GYS2: variants seen among roughly 807,000 people sequenced by gnomAD.
GYS2 encodes glycogen [starch] synthase, liver.
GYS2 carries 80 observed loss-of-function variants against 85.6 expected under a neutral mutation model. That is an observed-to-expected ratio of 0.93 (90% CI 0.78 to 1.13). GYS2 has a LOEUF of 1.13. Ranked by LOEUF, GYS2 falls within the 50% of genes most tolerant of loss-of-function variation. The pLI is 0.00. For synonymous variants in GYS2, 328 were observed against 300.7 expected (o/e 1.09, Z -0.94); for missense variants, 881 against 854.9 (o/e 1.03, Z -0.38).
At chr12:21,537,648 A>G (rs1236443940) in intron 15 of GYS2, among the ~76,000 whole-genome samples, 4 of 152,216 alleles carry the variant, frequency 2.6e-5, no homozygotes, top group Non-Finnish European at 5.9e-5. Flanking sequence ...TTGGATGTGG[A>G]TAGCCTGGAA....
At chr12:21,555,534 A>T (rs957779107) in intron 11 of GYS2, among the ~76,000 whole-genome samples, 1 of 152,112 alleles carries the variant, frequency 6.6e-6, no homozygotes, top group African/African-American at 2.4e-5. Context: ...AGAAATTGAC[A>T]CTTCTGATCT....
chr12:21,539,947 C>G (rs576640403), intron 14 of GYS2, among the ~76,000 whole-genome samples: 29 of 152,298 alleles, frequency 1.9e-4, no homozygotes, highest in African/African-American at 6.5e-4. Context: ...GTGTGAGCAT[C>G]CAGGTGTTTA....
In GYS2 at chr12:21,537,053, T is replaced by C; in HGVS notation, c.2013A>G (p.Glu671=). The change falls in exon 16 of 16, where the codon GAA becomes GAG. Residue 671 remains glutamate (E), a synonymous_variant. Transcript: ENST00000261195. Reference sequence around the variant, plus strand: ...TTAACCGATCCCTTTCAGCCTCCTCTTCCTCATCGTATCTCTCATCCTCCA... The same window carrying C: ...TTAACCGATCCCTTTCAGCCTCCTCCTCCTCATCGTATCTCTCATCCTCCA... The part of the protein sequence containing the change: ...DEVEDERYDE[E]EEAERDRLNI... 1 of 1,613,922 alleles carries C rather than the reference T, an allele frequency of 6.2e-7. No individual in the cohort carries two copies. Among genetic ancestry groups the C allele is most frequent in the Non-Finnish European group, 8.5e-7 (1 of 1,179,836 alleles).
chr12:21,597,044 T>G (rs10841854), intron 1 of GYS2, among the ~76,000 whole-genome samples: 85,385 of 151,860 alleles, frequency 0.56, 24,995 homozygotes, highest in Middle Eastern at 0.66. Context: ...TATTGCCATA[T>G]AAAACGTACT....
chr12:21,575,846 C>T lies in GYS2; in HGVS notation c.495+20G>A. On this transcript the variant is annotated intron_variant, in intron 3 of 15. Coordinates refer to ENST00000261195, the MANE Select transcript of GYS2 (RefSeq NM_021957.4). Reference sequence around the variant, plus strand: ...CAGTTGTGCTGCTCCTCCGTTGTATCACTATATAATAAACCATACCTCTTT... The same window carrying T: ...CAGTTGTGCTGCTCCTCCGTTGTATTACTATATAATAAACCATACCTCTTT... 6.4e-7 allele frequency: 1 copy of T among 1,574,264 alleles called. No individual in the cohort carries two copies. Among genetic ancestry groups the T allele is most frequent in the Non-Finnish European group, 8.7e-7 (1 of 1,143,984 alleles).
intron 4 of GYS2, among the ~76,000 whole-genome samples, chr12:21,569,687 G>T (rs1173300782): frequency 2.6e-5 from 4 of 152,148 alleles, no homozygotes; most frequent in Non-Finnish European, 5.9e-5. Flanking sequence ...AGTGTCTCAC[G>T]CAGCTCCATA....
chr12:21,550,929 G>A (rs1480960255), intron 11 of GYS2, among the ~76,000 whole-genome samples: 1 of 152,060 alleles, frequency 6.6e-6, no homozygotes, highest in Non-Finnish European at 1.5e-5. Flanking sequence ...GCGACAGAGC[G>A]AGACTCCATT....
At chr12:21,572,121 G>A (rs942588098) in intron 4 of GYS2, among the ~76,000 whole-genome samples, 8 of 152,142 alleles carry the variant, frequency 5.3e-5, no homozygotes, top group African/African-American at 1.9e-4. Flanking sequence ...AATGAATTTG[G>A]AGACATATTC....
At chr12:21,580,707 G>A (rs1944499279) in intron 1 of GYS2, among the ~76,000 whole-genome samples, 184 bp from the exon 2 acceptor site, 1 of 152,296 alleles carries the variant, frequency 6.6e-6, no homozygotes. Context: ...AATGGTTACT[G>A]CTTTGTTCAA....
chr12:21,547,060 T>C (rs1944050821), intron 11 of GYS2, among the ~76,000 whole-genome samples: 1 of 152,106 alleles, frequency 6.6e-6, no homozygotes, highest in African/African-American at 2.4e-5. Flanking sequence ...CCCACTGGGG[T>C]CTCTATTCAA....
chr12:21,550,639 A>T (rs1354612916), intron 11 of GYS2, among the ~76,000 whole-genome samples: 1 of 152,160 alleles, frequency 6.6e-6, no homozygotes, highest in Admixed American at 6.5e-5. Flanking sequence ...GGAAAAGGAA[A>T]GACAAAGAAA....
At chr12:21,554,742 A>C (rs757993878) in intron 11 of GYS2, among the ~76,000 whole-genome samples, 9 of 152,234 alleles carry the variant, frequency 5.9e-5, no homozygotes, top group Non-Finnish European at 8.8e-5. Context: ...AATAACAGAT[A>C]AGAGTATTTC....
chr12:21,559,761 C>T, intron 8 of GYS2, 51 bp from the exon 9 acceptor site: 1 of 1,108,518 alleles, frequency 9.0e-7, no homozygotes, highest in South Asian at 1.3e-5. Context: ...AATGTTTAAT[C>T]TTTATTTGTC....
At chr12:21,566,180 T>C (rs1177679481) in intron 5 of GYS2, among the ~76,000 whole-genome samples, 1 of 152,198 alleles carries the variant, frequency 6.6e-6, no homozygotes, top group Non-Finnish European at 1.5e-5. Context: ...TATTATATAG[T>C]GACATTTTGA....
At position 21,567,880 on chromosome 12, in the gene GYS2, C is replaced by T. The variant is rs182381985; in HGVS notation, c.823+985G>A. Among the ~76,000 whole-genome samples the T allele has an allele frequency of 2.1e-4, 32 of 152,122 alleles. 1 individual carries two copies. In the East Asian group the frequency reaches 6.0e-3, roughly 29 times the overall value. ...ACGAGGTCAGGAGTTCAAGACCAGCCTGGCCAAGATAGTGAAACCCCGTCT... is the reference window on the plus strand; with the variant it reads ...ACGAGGTCAGGAGTTCAAGACCAGCTTGGCCAAGATAGTGAAACCCCGTCT... On this transcript the variant is annotated intron_variant, in intron 5 of 15. Coordinates refer to ENST00000261195, the MANE Select transcript of GYS2 (RefSeq NM_021957.4).
At chr12:21,557,666 G>A (rs973723212) in intron 11 of GYS2, among the ~76,000 whole-genome samples, 6 of 152,250 alleles carry the variant, frequency 3.9e-5, no homozygotes, top group East Asian at 1.9e-4. Flanking sequence ...TTGGGAGGCC[G>A]AGGCAGGTGG....
At chr12:21,583,611 C>T (rs1285116039) in intron 1 of GYS2, among the ~76,000 whole-genome samples, 1 of 152,236 alleles carries the variant, frequency 6.6e-6, no homozygotes, top group African/African-American at 2.4e-5. Flanking sequence ...GGCTGAATCA[C>T]AGCGGAGGCC....
chr12:21,562,584 T>A (rs1354345871), intron 7 of GYS2, among the ~76,000 whole-genome samples: 1 of 151,792 alleles, frequency 6.6e-6, no homozygotes, highest in East Asian at 1.9e-4. Context: ...TACTTTTCAA[T>A]TGATTACAAA....
intron 5 of GYS2, among the ~76,000 whole-genome samples, chr12:21,566,543 AGCTAGCTTGTGG>A (rs1565602074): frequency 6.6e-6 from 1 of 152,214 alleles, no homozygotes; most frequent in Non-Finnish European, 1.5e-5. Context: ...TTCCAGAGAA[AGCTAGCTTGTGG>A]GCACTCAGTA....
Sources: allele counts gnomAD v4.1 joint callset (sites outside exome capture counted in the v4.1 genomes callset), GRCh38; gene constraint gnomAD v4.1.1; transcripts MANE v1.5; gene names NCBI Gene and HGNC (gene_info 2026-07-23, HGNC 2026-07-21).